The following WWOX variants were observed in gnomAD, a reference collection of about 807,000 sequenced individuals.
WWOX encodes the protein WW domain-containing oxidoreductase.
WWOX carries 69 observed loss-of-function variants against 46.2 expected under a neutral mutation model. The observed-to-expected ratio is 1.49, with a 90% CI of 1.23 to 1.82. WWOX has a LOEUF of 1.82. Ranked by LOEUF, WWOX falls within the 40% of genes most tolerant of loss-of-function variation. The pLI is 0.00. For missense variants in WWOX, 919 were observed against 542.6 expected, an observed-to-expected ratio of 1.69 and a Z score of -6.89; for synonymous variants, 359 against 202.6, an observed-to-expected ratio of 1.77 and a Z score of -6.56.
chr16:78,737,427 A>G (rs2049117100), intron 8 of WWOX, among the ~76,000 whole-genome samples: 1 of 152,054 alleles, frequency 6.6e-6, no homozygotes, highest in East Asian at 1.9e-4. Flanking sequence ...GTGAGCCACA[A>G]TGCCCAGCCT....
intron 8 of WWOX, among the ~76,000 whole-genome samples, chr16:79,083,157 T>C (rs1034315596): frequency 6.6e-6 from 1 of 152,058 alleles, no homozygotes; most frequent in African/African-American, 2.4e-5. Flanking sequence ...TTATGGCGAG[T>C]CCCTAACACT....
At chr16:79,017,824 G>C (rs1213793544) in intron 8 of WWOX, among the ~76,000 whole-genome samples, 1 of 152,116 alleles carries the variant, frequency 6.6e-6, no homozygotes, top group East Asian at 1.9e-4. Context: ...ATCCAGAACA[G>C]GTGGGCTGTA....
intron 8 of WWOX, among the ~76,000 whole-genome samples, chr16:79,154,445 A>G (rs1233521508): frequency 1.3e-5 from 2 of 151,888 alleles, no homozygotes; most frequent in Non-Finnish European, 2.9e-5. Context: ...TCCTCAGCTA[A>G]ATCTACCTCT....
chr16:78,154,701 G>A (rs977667977), intron 4 of WWOX, among the ~76,000 whole-genome samples: 1 of 151,994 alleles, frequency 6.6e-6, no homozygotes, highest in Non-Finnish European at 1.5e-5. Flanking sequence ...AAAGCCAAGT[G>A]CTACTGCGGG....
chr16:79,168,387 G>A (rs1276780275), intron 8 of WWOX, among the ~76,000 whole-genome samples: 5 of 152,158 alleles, frequency 3.3e-5, no homozygotes, highest in Non-Finnish European at 5.9e-5. Flanking sequence ...AAGGCACTAG[G>A]CTTTTCATTA....
At chr16:78,303,856 C>T (rs967365302) in intron 5 of WWOX, among the ~76,000 whole-genome samples, 1 of 152,154 alleles carries the variant, frequency 6.6e-6, no homozygotes, top group Non-Finnish European at 1.5e-5. Flanking sequence ...GACCCGTGCT[C>T]TTTCTCCCAC....
intron 8 of WWOX, among the ~76,000 whole-genome samples, chr16:78,607,550 G>C (rs959131864): frequency 3.3e-5 from 5 of 152,152 alleles, no homozygotes; most frequent in African/African-American, 1.2e-4. Flanking sequence ...AAGGGTCTTA[G>C]AGTGTGAACT....
chr16:78,377,824 G>GT (rs778271169), intron 5 of WWOX, among the ~76,000 whole-genome samples: 28 of 152,262 alleles, frequency 1.8e-4, no homozygotes, highest in Non-Finnish European at 3.4e-4. Flanking sequence ...TAAATAAGCT[G>GT]TTATCTGGTG....
At chr16:78,396,386 C>G (rs139812717) in intron 6 of WWOX, among the ~76,000 whole-genome samples, 1 of 152,058 alleles carries the variant, frequency 6.6e-6, no homozygotes, top group African/African-American at 2.4e-5. Flanking sequence ...TCGAATTAAC[C>G]ACACCAATGT....
intron 8 of WWOX, among the ~76,000 whole-genome samples, chr16:78,763,644 G>C (rs2049849052): frequency 6.6e-6 from 1 of 152,182 alleles, no homozygotes; most frequent in Non-Finnish European, 1.5e-5. Flanking sequence ...TGTATGCCCA[G>C]CACCTAGTAC....
chr16:78,309,886 C>T (rs888592376), intron 5 of WWOX, among the ~76,000 whole-genome samples: 8 of 152,070 alleles, frequency 5.3e-5, no homozygotes, highest in South Asian at 2.1e-4. Flanking sequence ...AGAGTGTTCT[C>T]CTATGTAAAT....
intron 8 of WWOX, among the ~76,000 whole-genome samples, chr16:78,602,939 A>G (rs2045657243): frequency 6.6e-6 from 1 of 152,194 alleles, no homozygotes; most frequent in East Asian, 1.9e-4. Context: ...ATTGCTGATT[A>G]GCTTTCTCTT....
At chr16:78,643,440 C>T (rs2046767704) in intron 8 of WWOX, among the ~76,000 whole-genome samples, 1 of 152,098 alleles carries the variant, frequency 6.6e-6, no homozygotes, top group Non-Finnish European at 1.5e-5. Context: ...CTGTGTCTCC[C>T]AGCTCATAAG....
At chr16:78,285,109 T>C (rs2079744509) in intron 5 of WWOX, among the ~76,000 whole-genome samples, 6 of 152,158 alleles carry the variant, frequency 3.9e-5, no homozygotes, top group Admixed American at 1.3e-4. Context: ...GTTTATAGAC[T>C]GTCAGCCTTG....
At chr16:78,494,783 G>A (rs2084870695) in intron 8 of WWOX, among the ~76,000 whole-genome samples, 1 of 152,164 alleles carries the variant, frequency 6.6e-6, no homozygotes, top group Non-Finnish European at 1.5e-5. Flanking sequence ...CCATCTTTAT[G>A]GTATGGCTTT....
chr16:79,077,998 G>A (rs1320827160), intron 8 of WWOX: 2 of 152,040 alleles, frequency 1.3e-5, no homozygotes, highest in African/African-American at 2.4e-5. Flanking sequence ...GCTACCTTGG[G>A]AGGTGCCATT....
intron 4 of WWOX, among the ~76,000 whole-genome samples, chr16:78,163,587 C>A (rs12923935): frequency 0.079 from 11,972 of 152,254 alleles, 560 homozygotes; most frequent in Non-Finnish European, 0.11. Flanking sequence ...TCTTGGCCCC[C>A]AAAATTCTTA....
At chr16:78,751,778 G>A (rs2049487012) in intron 8 of WWOX, among the ~76,000 whole-genome samples, 1 of 151,670 alleles carries the variant, frequency 6.6e-6, no homozygotes, top group Non-Finnish European at 1.5e-5. Context: ...AAGAAGGAGG[G>A]AGGGAGGGAA....
At chr16:78,563,198 T>C (rs2044480653) in intron 8 of WWOX, among the ~76,000 whole-genome samples, 1 of 152,232 alleles carries the variant, frequency 6.6e-6, no homozygotes, top group Non-Finnish European at 1.5e-5. Context: ...AAATAAATCA[T>C]AATTTATATT....
Sources: gnomAD v4.1 joint callset for allele counts (sites outside exome capture counted in the v4.1 genomes callset) on GRCh38, gnomAD v4.1.1 for gene constraint, MANE v1.5 for transcripts, NCBI Gene and HGNC (gene_info 2026-07-23, HGNC 2026-07-21) for gene names.